Variants in B4GALNT1 observed in about 807,000 individuals in gnomAD.
The protein encoded by B4GALNT1 is beta-1,4-N-acetyl-galactosaminyltransferase 1, also known as beta-1,4 N-acetylgalactosaminyltransferase 1.
In B4GALNT1, 43 loss-of-function variants were observed where a neutral mutation model predicts 55.2. The ratio of observed to expected loss-of-function variants is 0.78; its 90% CI spans 0.61 to 1.00. B4GALNT1 has a LOEUF of 1.00. Ranked by LOEUF, B4GALNT1 falls within the 50% of genes least tolerant of loss-of-function variation. The pLI, the probability that B4GALNT1 is intolerant of heterozygous loss-of-function variation, is 0.00. For synonymous variants in B4GALNT1, 305 were observed against 311.6 expected (o/e 0.98, Z 0.22); for missense variants, 664 against 729.7 (o/e 0.91, Z 1.04).
intron 9 of B4GALNT1, 64 bp downstream of exon 9, chr12:57,628,058 C>A: frequency 2.5e-6 from 4 of 1,589,070 alleles, no homozygotes; most frequent in Non-Finnish European, 3.4e-6. Flanking sequence ...CGCAGCGCCC[C>A]CGCTGTGGCC....
At position 57,624,054 on chromosome 12, in the gene B4GALNT1, A is replaced by T. The variant is rs1884636945; in HGVS notation, c.*2690T>A. The T allele has an allele frequency of 6.2e-7, 1 of 1,613,204 alleles. No individual in the cohort carries two copies. The highest frequency in any genetic ancestry group is 8.5e-7 in the Non-Finnish European group (1 of 1,179,520). ...CAGCATGCGCCAGGTGTTCTGCCAG[A>T]TGCAGGAACTTCCACAACTATGGCA... On this transcript the variant is annotated 3_prime_UTR_variant, in exon 11 of 11. Coordinates refer to ENST00000341156, the MANE Select transcript of B4GALNT1 (RefSeq NM_001478.5).
At chr12:57,628,322 C>A in intron 8 of B4GALNT1, 60 bp from the exon 9 acceptor site, 2 of 1,603,382 alleles carry the variant, frequency 1.2e-6, no homozygotes, top group Non-Finnish European at 1.7e-6. Context: ...CCCTCTGCCA[C>A]CTTTCTTTCT....
At chr12:57,630,916 C>G in intron 4 of B4GALNT1, 64 bp downstream of exon 4, 1 of 1,472,272 alleles carries the variant, frequency 6.8e-7, no homozygotes, top group Non-Finnish European at 9.4e-7. Context: ...TTCTTCCCCA[C>G]CCAACCTTGG....
Position 57,626,665 on chromosome 12 carries a change from G to A in B4GALNT1, c.*79C>T. 1 of 1,511,202 alleles carries A rather than the reference G, an allele frequency of 6.6e-7. No individual in the cohort carries two copies. Among genetic ancestry groups the A allele is most frequent in the Non-Finnish European group, 9.1e-7 (1 of 1,093,046 alleles). 93.6% of individuals were successfully genotyped at this position (1,511,202 alleles called of 1,614,324 possible). A position where few individuals can be genotyped will look rare whatever the true frequency, so the allele number is the denominator to read the frequency against. ...GGACAGCCAGTAGAGTGCTCACAGG[G>A]TGGTGGGGTTTGTTGGAAATTCCTG... On this transcript the variant is annotated 3_prime_UTR_variant, in exon 11 of 11. Coordinates refer to ENST00000341156, the MANE Select transcript of B4GALNT1 (RefSeq NM_001478.5).
rs1234832431 is a variant in B4GALNT1, at chr12:57,630,257, G to C, written c.607C>G (p.Gln203Glu). 6.2e-7 allele frequency: 1 copy of C among 1,614,212 alleles called. No individual in the cohort carries two copies. Among genetic ancestry groups the C allele is most frequent in the Admixed American group, 1.7e-5 (1 of 60,022 alleles). ...GGGCTGACAAGGGTGAGATCTGCCT[G>C]ACCCTCTCCAGTGAGAGTAACTCCA... The part of the protein sequence containing the change: ...VTGVTLTGEG[Q>E]ADLTLVSPGL... The change falls in exon 6 of 11, where the codon CAG (glutamine) becomes GAG (glutamate). Residue 203 changes from glutamine to glutamate, a missense_variant. Transcript: ENST00000341156.
Position 57,626,968 on chromosome 12 carries a change from G to T in B4GALNT1, c.1385-7C>A, listed in dbSNP as rs764326265. The stretch of plus-strand genomic sequence containing the variant: ...AGCCCATCCAAGAAGAATTCTGGGG[G>T]TGGAGGGGAGTACACAGTGAGGGAT... On this transcript the variant is annotated splice_polypyrimidine_tract_variant and splice_region_variant and intron_variant, in intron 10 of 10. Coordinates refer to ENST00000341156, the MANE Select transcript of B4GALNT1 (RefSeq NM_001478.5). The T allele has an allele frequency of 2.5e-6, 4 of 1,610,510 alleles. No individual in the cohort carries two copies. Among genetic ancestry groups the T allele is most frequent in the Non-Finnish European group, 3.4e-6 (4 of 1,177,818 alleles).
Position 57,625,482 on chromosome 12 carries a change from G to T in B4GALNT1, c.*1262C>A. On this transcript the variant is annotated 3_prime_UTR_variant, in exon 11 of 11. Transcript: ENST00000341156. ...GTGTAATGGTGAGATGTGTGGAGAA[G>T]AGCGGGGCCCAGTGCCTGGGCAATG... The T allele has an allele frequency of 6.2e-7, 1 of 1,614,204 alleles. No individual in the cohort carries two copies. The highest frequency in any genetic ancestry group is 8.5e-7 in the Non-Finnish European group (1 of 1,180,020).
chr12:57,623,910 C>T lies in B4GALNT1; in HGVS notation c.*2834G>A, dbSNP rs781622323. On this transcript the variant is annotated 3_prime_UTR_variant, in exon 11 of 11. Transcript: ENST00000341156. ...TGGGGCCCTTCTTTTACTATCTGCC[C>T]AAGGTAATGAGCAGAGGAGGCATGA... 7.4e-6 allele frequency: 12 copies of T among 1,613,840 alleles called. No individual in the cohort carries two copies. Among genetic ancestry groups the T allele is most frequent in the African/African-American group, 2.7e-5 (2 of 74,848 alleles).
At chr12:57,628,097 C>G in intron 9 of B4GALNT1, 25 bp downstream of exon 9, 1 of 1,612,442 alleles carries the variant, frequency 6.2e-7, no homozygotes, top group South Asian at 1.1e-5. Flanking sequence ...TTCTCCACCC[C>G]CACATCCTGC....
Position 57,632,013 on chromosome 12 carries a change from CCACG to C in B4GALNT1, c.116_119del (p.Pro39ArgfsTer32). On this transcript the variant is annotated frameshift_variant, in exon 2 of 11. Coordinates refer to ENST00000341156, the MANE Select transcript of B4GALNT1 (RefSeq NM_001478.5). LOFTEE classifies it high-confidence loss of function. ...GCCTGCGGGGGCTTTGCGGGGGCGC[CCACG>C]GCGCAAGAGGTAGCCGGAGGCCGGG... 1 of 1,449,440 alleles carries C rather than the reference CCACG, an allele frequency of 6.9e-7. No individual in the cohort carries two copies. The highest frequency in any genetic ancestry group is 9.1e-7 in the Non-Finnish European group (1 of 1,100,938). The allele number at this position is 1,449,440 out of a possible 1,614,324, so 89.8% of individuals were successfully genotyped here. A position where few individuals can be genotyped will look rare whatever the true frequency, so the allele number is the denominator to read the frequency against.
Position 57,624,190 on chromosome 12 carries a change from A to C in B4GALNT1, c.*2554T>G, listed in dbSNP as rs1381117996. 1.6e-6 allele frequency: 2 copies of C among 1,250,054 alleles called. No homozygotes were observed. The highest frequency in any genetic ancestry group is 2.3e-5 in the East Asian group (1 of 42,726). The allele number at this position is 1,250,054 out of a possible 1,614,324, so 77.4% of individuals were successfully genotyped here. A position where few individuals can be genotyped will look rare whatever the true frequency, so the allele number is the denominator to read the frequency against. On this transcript the variant is annotated 3_prime_UTR_variant, in exon 11 of 11. Coordinates refer to ENST00000341156, the MANE Select transcript of B4GALNT1 (RefSeq NM_001478.5). Reference sequence around the variant, plus strand: ...AACCAAACCTAATTGTCCTGGTCTTAAGTTCTGCAACCCACCCACTCCCCC... The same window carrying C: ...AACCAAACCTAATTGTCCTGGTCTTCAGTTCTGCAACCCACCCACTCCCCC...
In B4GALNT1 at chr12:57,631,353, C is replaced by T; in HGVS notation, c.230G>A (p.Trp77Ter). ...IKEQVVGLLA[W>*]NNCSCESSGG... ...ACTGGACTCACAACTGCAGTTGTTC[C>T]AAGCCAGCAGCCTGAAGGGGGTAGG... Residue 77 changes from tryptophan to a stop codon, truncating the protein, a stop_gained, in exon 3 of 11, where the codon TGG becomes TAG. Transcript: ENST00000341156. LOFTEE classifies it high-confidence loss of function. 5 of 1,614,026 alleles carry T rather than the reference C, an allele frequency of 3.1e-6. No individual in the cohort carries two copies. Among genetic ancestry groups the T allele is most frequent in the Non-Finnish European group, 3.4e-6 (4 of 1,179,956 alleles).
Position 57,624,465 on chromosome 12 carries a change from CT to C in B4GALNT1, c.*2278del. ...ACCCAGCAGTGATGGCCTGGCTTTT[CT>C]TTTGGGCAATCCACCCCTATCCCTA... On this transcript the variant is annotated 3_prime_UTR_variant, in exon 11 of 11. Transcript: ENST00000341156. 3.3e-6 allele frequency: 2 copies of C among 605,268 alleles called. 1 individual carries two copies. Among genetic ancestry groups the C allele is most frequent in the South Asian group, 2.9e-5 (2 of 68,228 alleles). The allele number at this position is 605,268 out of a possible 1,614,324, so 37.5% of individuals were successfully genotyped here.
Position 57,626,801 on chromosome 12 carries a change from C to T in B4GALNT1, c.1545G>A (p.Met515Ile), listed in dbSNP as rs144984608. 2.2e-4 allele frequency: 362 copies of T among 1,614,084 alleles called. No homozygotes were observed. Among genetic ancestry groups the T allele is most frequent in the Non-Finnish European group, 3.0e-4 (352 of 1,180,038 alleles). Reference sequence around the variant, plus strand: ...TGAAGAAGAGCAGCCGGTGTTTGGCCATCTGGCTCTCGTCCAGTGATCCTG... The same window carrying T: ...TGAAGAAGAGCAGCCGGTGTTTGGCTATCTGGCTCTCGTCCAGTGATCCTG... ...RYPGSLDESQ[M>I]AKHRLLFFKH... Residue 515 changes from methionine to isoleucine, a missense_variant, in exon 11 of 11, where the codon ATG (methionine) becomes ATA (isoleucine). Met to Ile is a conservative substitution (Grantham distance 10). Transcript: ENST00000341156.
rs373978358 is a variant in B4GALNT1 at position 57,628,886 on chromosome 12, C to T, written c.829G>A (p.Ala277Thr). The T allele has an allele frequency of 1.5e-5, 24 of 1,614,016 alleles. No homozygotes were observed. The highest frequency in any genetic ancestry group is 1.7e-5 in the Non-Finnish European group (20 of 1,180,042). ...GTCTTGGTGGCAATCGTGACTAGAG[C>T]GCTGATGTTGTACTGGGCTGAGATT... ...LPQGAQYNIS[A>T]LVTIATKTFL... Residue 277 changes from alanine (A) to threonine (T), a missense_variant, in exon 8 of 11, where the codon GCT becomes ACT. Coordinates refer to ENST00000341156, the MANE Select transcript of B4GALNT1 (RefSeq NM_001478.5).
At position 57,628,236 on chromosome 12, in the gene B4GALNT1, G is replaced by A. The variant is rs762519517; in HGVS notation, c.1029C>T (p.Ala343=). ...CGTACTTGGTGGTTACTTGAGACAC[G>A]GCCAGGTTCCGGCCTGCGAACCAGC... ...GKGWFAGRNL[A]VSQVTTKYVL... The change falls in exon 9 of 11, where the codon GCC becomes GCT. Residue 343 remains alanine, a synonymous_variant. Coordinates refer to ENST00000341156, the MANE Select transcript of B4GALNT1 (RefSeq NM_001478.5). 1.2e-6 allele frequency: 2 copies of A among 1,614,268 alleles called. No homozygotes were observed. Among genetic ancestry groups the A allele is most frequent in the South Asian group, 1.1e-5 (1 of 91,088 alleles).
intron 4 of B4GALNT1, among the ~76,000 whole-genome samples, 200 bp from the exon 5 acceptor site, chr12:57,630,718 G>T (rs1222291440): frequency 1.3e-5 from 2 of 152,194 alleles, no homozygotes; most frequent in Non-Finnish European, 2.9e-5. Flanking sequence ...CCTATGGCCT[G>T]CCCTGACCAC....
Position 57,625,522 on chromosome 12 carries a change from G to T in B4GALNT1, c.*1222C>A, listed in dbSNP as rs939659364. 2.5e-6 allele frequency: 4 copies of T among 1,613,762 alleles called. No homozygotes were observed. The highest frequency in any genetic ancestry group is 1.1e-5 in the South Asian group (1 of 91,066). ...CCTGGGCAATGACTGGACACCTGCG[G>T]TAGGGAAAAGGACCCGGTGTGGACT... is the stretch of plus-strand genomic sequence containing the variant. On this transcript the variant is annotated 3_prime_UTR_variant, in exon 11 of 11. Transcript: ENST00000341156.
rs542836863 is a variant in B4GALNT1 at position 57,626,390 on chromosome 12, G to A, written c.*354C>T. ...TGTTGGGGAACTTCCCCACCCCCTCGGTCCCAAGATGAGAGGACAGTGTTT... is the reference window on the plus strand; with the variant it reads ...TGTTGGGGAACTTCCCCACCCCCTCAGTCCCAAGATGAGAGGACAGTGTTT... On this transcript the variant is annotated 3_prime_UTR_variant, in exon 11 of 11. Coordinates refer to ENST00000341156, the MANE Select transcript of B4GALNT1 (RefSeq NM_001478.5). 83 of 311,154 alleles carry A rather than the reference G, an allele frequency of 2.7e-4. 1 individual carries two copies. The highest frequency in any genetic ancestry group is 4.6e-4 in the Non-Finnish European group (75 of 162,726). The allele number at this position is 311,154 out of a possible 1,614,324, so 19.3% of individuals were successfully genotyped here. A position where few individuals can be genotyped will look rare whatever the true frequency, so the allele number is the denominator to read the frequency against.
Sources: allele counts gnomAD v4.1 joint callset (sites outside exome capture counted in the v4.1 genomes callset), GRCh38; gene constraint gnomAD v4.1.1; transcripts MANE v1.5; gene names NCBI Gene and HGNC (gene_info 2026-07-23, HGNC 2026-07-21).